The following CCSER1 variants were observed in gnomAD, a reference collection of about 807,000 sequenced individuals.
CCSER1 encodes coiled-coil serine rich protein 1.
Under a neutral mutation model 82.0 loss-of-function variants are expected in CCSER1, and 41 were observed. The ratio of observed to expected loss-of-function variants is 0.50; its 90% CI spans 0.39 to 0.65. CCSER1 has a LOEUF of 0.65. Ranked by LOEUF, CCSER1 falls within the 30% of genes least tolerant of loss-of-function variation. The pLI is 0.00. For synonymous variants in CCSER1, 414 were observed against 383.9 expected, an observed-to-expected ratio of 1.08 and a Z score of -0.92; for missense variants, 1,119 against 1,064.2, an observed-to-expected ratio of 1.05 and a Z score of -0.72.
chr4:90,511,304 G>C (rs1771466165), intron 5 of CCSER1, among the ~76,000 whole-genome samples: 1 of 152,172 alleles, frequency 6.6e-6, no homozygotes, highest in African/African-American at 2.4e-5. Context: ...TGTAGTCCCA[G>C]CTACTCGGGA....
At chr4:91,311,407 C>T (rs1745467914) in intron 10 of CCSER1, among the ~76,000 whole-genome samples, 1 of 151,848 alleles carries the variant, frequency 6.6e-6, no homozygotes, top group African/African-American at 2.4e-5. Flanking sequence ...GTTTTTGTTG[C>T]TAAATGAAGA....
intron 4 of CCSER1, among the ~76,000 whole-genome samples, chr4:90,463,683 GC>G (rs1763249518): frequency 6.6e-6 from 1 of 152,026 alleles, no homozygotes; most frequent in Non-Finnish European, 1.5e-5. Context: ...GCTGCAATTT[GC>G]CAATTAATAG....
chr4:91,049,199 G>A (rs1742784622), intron 9 of CCSER1, among the ~76,000 whole-genome samples: 1 of 152,018 alleles, frequency 6.6e-6, no homozygotes, highest in Admixed American at 6.6e-5. Flanking sequence ...TTTATTCTAG[G>A]GTATTAGTCA....
chr4:91,586,753 C>T (rs1002159207), intron 10 of CCSER1, among the ~76,000 whole-genome samples: 4 of 151,674 alleles, frequency 2.6e-5, no homozygotes, highest in African/African-American at 7.2e-5. Context: ...TTGTACCACA[C>T]ATTTTTCACT....
intron 6 of CCSER1, among the ~76,000 whole-genome samples, chr4:90,703,755 G>A (rs558470537): frequency 1.3e-5 from 2 of 152,166 alleles, no homozygotes; most frequent in East Asian, 1.9e-4. Context: ...TTTGATCTTT[G>A]TTGGTTTAAA....
intron 5 of CCSER1, among the ~76,000 whole-genome samples, chr4:90,500,153 C>A (rs1181068914): frequency 6.6e-6 from 1 of 151,912 alleles, no homozygotes; most frequent in Non-Finnish European, 1.5e-5. Flanking sequence ...ATGCTAGAAA[C>A]ATCATCTCTA....
chr4:90,805,825 G>A (rs1757427864), intron 7 of CCSER1, among the ~76,000 whole-genome samples: 1 of 152,022 alleles, frequency 6.6e-6, no homozygotes, highest in Admixed American at 6.6e-5. Flanking sequence ...TTAGCCTACA[G>A]GTTAATGGAA....
intron 1 of CCSER1, among the ~76,000 whole-genome samples, chr4:90,205,423 T>C (rs1384638937): frequency 1.3e-5 from 2 of 150,862 alleles, no homozygotes; most frequent in Non-Finnish European, 3.0e-5. Flanking sequence ...AGCAGAAAGG[T>C]ATGAAGGCCT....
At chr4:90,326,943 A>C (rs931032115) in intron 3 of CCSER1, among the ~76,000 whole-genome samples, 17 of 152,174 alleles carry the variant, frequency 1.1e-4, no homozygotes, top group African/African-American at 4.1e-4. Context: ...TTTTCAGGGA[A>C]CCATAGCCTA....
At chr4:90,326,570 C>G (rs1024500848) in intron 3 of CCSER1, among the ~76,000 whole-genome samples, 2 of 152,052 alleles carry the variant, frequency 1.3e-5, no homozygotes, top group African/African-American at 2.4e-5. Context: ...CTGTTAGGCT[C>G]TTTATTGTAT....
chr4:91,457,480 C>T (rs887890431), intron 10 of CCSER1, among the ~76,000 whole-genome samples: 1 of 151,896 alleles, frequency 6.6e-6, no homozygotes, highest in Non-Finnish European at 1.5e-5. Context: ...GCCCGGGCAA[C>T]ATAGCAAGAC....
At chr4:90,959,656 A>G (rs983156414) in intron 9 of CCSER1, among the ~76,000 whole-genome samples, 16 of 151,948 alleles carry the variant, frequency 1.1e-4, no homozygotes, top group African/African-American at 3.6e-4. Flanking sequence ...CCAAAGATAA[A>G]TTTGACACCA....
chr4:90,491,640 A>G lies in CCSER1; in HGVS notation c.1724+23286A>G, dbSNP rs1351226834. On this transcript the variant is annotated intron_variant, in intron 5 of 10. Coordinates refer to ENST00000509176, the MANE Select transcript of CCSER1 (RefSeq NM_001145065.2). ...CCAGTTTTTGGCCATTCAGTATGAT[A>G]TTGGCTCTGGGTTTGCCATAAATAG... Among the ~76,000 whole-genome samples, 3 of 152,126 alleles carry G rather than the reference A, an allele frequency of 2.0e-5. No individual in the cohort carries two copies. In the East Asian group the frequency reaches 5.8e-4, roughly 29 times the overall value.
chr4:91,129,312 G>T (rs1727798224), intron 10 of CCSER1, among the ~76,000 whole-genome samples: 1 of 151,906 alleles, frequency 6.6e-6, no homozygotes, highest in South Asian at 2.1e-4. Context: ...AACCCACTCA[G>T]AAATGAATCA....
chr4:91,203,164 C>G (rs1382884453), intron 10 of CCSER1, among the ~76,000 whole-genome samples: 1 of 151,806 alleles, frequency 6.6e-6, no homozygotes, highest in African/African-American at 2.4e-5. Context: ...CCTGTTGTTT[C>G]CTGACTTTTT....
At chr4:90,568,449 G>C (rs1779669973) in intron 5 of CCSER1, among the ~76,000 whole-genome samples, 3 of 151,978 alleles carry the variant, frequency 2.0e-5, no homozygotes, top group Admixed American at 2.0e-4. Context: ...TTGACACATT[G>C]TGTATTTTAT....
chr4:91,296,449 TTATA>T lies in CCSER1; in HGVS notation c.2217+210469_2217+210472del, dbSNP rs72475346. ...CTGGTGTAAACAGAAGTGTCTAACA[TTATA>T]TATATATATATATGTATATATATAT... On this transcript the variant is annotated intron_variant, in intron 10 of 10. Coordinates refer to ENST00000509176, the MANE Select transcript of CCSER1 (RefSeq NM_001145065.2). 2.4e-4 allele frequency among the ~76,000 whole-genome samples: 23 copies of T among 94,094 alleles called. 1 individual carries two copies. The highest frequency in any genetic ancestry group is 4.9e-4 in the East Asian group (2 of 4,096). The allele number at this position is 94,094 out of a possible 152,430, so 61.7% of individuals were successfully genotyped here.
chr4:91,529,755 T>C (rs1760932256), intron 10 of CCSER1, among the ~76,000 whole-genome samples: 1 of 152,128 alleles, frequency 6.6e-6, no homozygotes, highest in Non-Finnish European at 1.5e-5. Context: ...GTTTTGACCA[T>C]CTAAGGAAAG....
intron 10 of CCSER1, among the ~76,000 whole-genome samples, chr4:91,192,995 C>T (rs1735126527): frequency 6.6e-6 from 1 of 152,084 alleles, no homozygotes; most frequent in Admixed American, 6.5e-5. Flanking sequence ...AGCTAACTTC[C>T]TCCTTTGTCT....
Sources: allele counts gnomAD v4.1 joint callset (sites outside exome capture counted in the v4.1 genomes callset), GRCh38; gene constraint gnomAD v4.1.1; transcripts MANE v1.5; gene names NCBI Gene and HGNC (gene_info 2026-07-23, HGNC 2026-07-21).